KIR2DL3: variants seen among roughly 807,000 people sequenced by gnomAD.
KIR2DL3 encodes the protein killer cell immunoglobulin-like receptor 2DL3.
Under a neutral mutation model 33.8 loss-of-function variants are expected in KIR2DL3, and 39 were observed. The ratio of observed to expected loss-of-function variants is 1.15; its 90% CI spans 0.89 to 1.51. KIR2DL3 has a LOEUF of 1.51. Among genes scored for constraint, KIR2DL3 ranks in the 40% most tolerant of loss-of-function variants. The pLI, the probability that KIR2DL3 is intolerant of heterozygous loss-of-function variation, is 0.00. For missense variants in KIR2DL3, 462 were observed against 426.2 expected, an observed-to-expected ratio of 1.08 and a Z score of -0.74; for synonymous variants, 174 against 160.2, an observed-to-expected ratio of 1.09 and a Z score of -0.65.
chr19:54,750,420 C>T (rs111959548), intron 5 of KIR2DL3, among the ~76,000 whole-genome samples: 10,288 of 113,902 alleles, frequency 0.09, 292 homozygotes, highest in South Asian at 0.21. Flanking sequence ...ATGTGTCTCC[C>T]GAGATCACAA....
Position 54,742,162 on chromosome 19 carries a change from T to A in KIR2DL3, c.253T>A (p.Phe85Ile), listed in dbSNP as rs779850872. The A allele has an allele frequency of 6.2e-7, 1 of 1,613,992 alleles. No individual in the cohort carries two copies. Among genetic ancestry groups the A allele is most frequent in the Non-Finnish European group, 8.5e-7 (1 of 1,180,010 alleles). ...EHHDGVSKAN[F>I]SIGPMMQDLA... Reference sequence around the variant, plus strand: ...CCATGATGGGGTCTCCAAGGCCAACTTCTCCATCGGTCCCATGATGCAAGA... The same window carrying A: ...CCATGATGGGGTCTCCAAGGCCAACATCTCCATCGGTCCCATGATGCAAGA... Residue 85 changes from phenylalanine to isoleucine, a missense_variant, in exon 3 of 8, where the codon TTC becomes ATC. By Grantham distance (21) the Phe-to-Ile change is conservative. Transcript: ENST00000342376.
In KIR2DL3 at chr19:54,744,897, T is replaced by TAC. The variant is rs1190927916; in HGVS notation, c.664+823_664+824dup. ...ATATATATATATATATATATATATA[T>TAC]ACACACACACACACATATATAAACA... is the stretch of plus-strand genomic sequence containing the variant. On this transcript the variant is annotated intron_variant, in intron 4 of 7. Transcript: ENST00000342376. 6.5e-3 allele frequency among the ~76,000 whole-genome samples: 372 copies of TAC among 57,460 alleles called. 6 individuals are homozygous for TAC. Among genetic ancestry groups the TAC allele is most frequent in the African/African-American group, 9.2e-3 (140 of 15,216 alleles). 37.7% of individuals were successfully genotyped at this position (57,460 alleles called of 152,430 possible). A position where few individuals can be genotyped will look rare whatever the true frequency, so the allele number is the denominator to read the frequency against.
At position 54,750,660 on chromosome 19, in the gene KIR2DL3, C is replaced by T. The variant is rs144623749; in HGVS notation, c.716-989C>T. On this transcript the variant is annotated intron_variant, in intron 5 of 7. Transcript: ENST00000342376. The stretch of plus-strand genomic sequence containing the variant: ...ACTCTAAATACCTCCTGGACTGCAC[C>T]TGGGCTTATGCCAATTCCTATCACT... Among the ~76,000 whole-genome samples, 345 of 137,124 alleles carry T rather than the reference C, an allele frequency of 2.5e-3. 32 individuals carry two copies. The highest frequency in any genetic ancestry group is 9.0e-3 in the African/African-American group (327 of 36,492). The allele number at this position is 137,124 out of a possible 152,430, so 90.0% of individuals were successfully genotyped here.
At chr19:54,739,786 C>G (rs957284899) in intron 2 of KIR2DL3, among the ~76,000 whole-genome samples, 5 of 152,126 alleles carry the variant, frequency 3.3e-5, no homozygotes, top group Admixed American at 3.3e-4. Flanking sequence ...GTGGTAGGAA[C>G]AGCAGATCCT....
chr19:54,739,308 C>T (rs1489870161), intron 1 of KIR2DL3, among the ~76,000 whole-genome samples, 199 bp from the exon 2 acceptor site: 721 of 152,072 alleles, frequency 4.7e-3, no homozygotes, highest in African/African-American at 0.015. Context: ...GAGATATGGG[C>T]TTGGGGTGGG....
intron 4 of KIR2DL3, among the ~76,000 whole-genome samples, chr19:54,745,122 A>C (rs1288980426): frequency 1.3e-5 from 2 of 151,550 alleles, no homozygotes; most frequent in African/African-American, 4.9e-5. Context: ...TGCAAATATC[A>C]GGATGTTATT....
chr19:54,740,769 G>A (rs1211679399), intron 2 of KIR2DL3, among the ~76,000 whole-genome samples: 2 of 152,032 alleles, frequency 1.3e-5, no homozygotes, highest in East Asian at 1.9e-4. Flanking sequence ...TATGTTATAG[G>A]GGAAGGGACT....
intron 3 of KIR2DL3, among the ~76,000 whole-genome samples, chr19:54,743,034 A>C (rs1313042653): frequency 2.0e-5 from 3 of 151,864 alleles, no homozygotes; most frequent in Admixed American, 2.0e-4. Flanking sequence ...GAAAAGCACT[A>C]AAATTAGAGT....
intron 5 of KIR2DL3, among the ~76,000 whole-genome samples, chr19:54,750,728 C>T (rs1213032925): frequency 7.2e-6 from 1 of 139,232 alleles, no homozygotes; most frequent in African/African-American, 2.7e-5. Flanking sequence ...GAATACATTA[C>T]ACAGGCAGGT....
chr19:54,752,524 A>T lies in KIR2DL3; in HGVS notation c.*5A>T. 6.8e-7 allele frequency: 1 copy of T among 1,462,498 alleles called. No homozygotes were observed. The highest frequency in any genetic ancestry group is 9.3e-7 in the Non-Finnish European group (1 of 1,075,866). 90.6% of individuals were successfully genotyped at this position (1,462,498 alleles called of 1,614,324 possible). A position where few individuals can be genotyped will look rare whatever the true frequency, so the allele number is the denominator to read the frequency against. ...CTTCCAAATGCTGAGCCCTGATCCA[A>T]AGTTGTCTCCTGCCCATGAGCACCA... On this transcript the variant is annotated 3_prime_UTR_variant, in exon 8 of 8. Transcript: ENST00000342376.
chr19:54,747,618 T>C (rs945014857), intron 5 of KIR2DL3, among the ~76,000 whole-genome samples: 1 of 152,154 alleles, frequency 6.6e-6, no homozygotes, highest in Admixed American at 6.5e-5. Flanking sequence ...AGAAGAATGA[T>C]TGCCAATCTG....
At position 54,752,240 on chromosome 19, in the gene KIR2DL3, C is replaced by A. The variant is rs2073564038; in HGVS notation, c.845C>A (p.Pro282His). 2.0e-6 allele frequency: 3 copies of A among 1,475,596 alleles called. 1 individual carries two copies. The highest frequency in any genetic ancestry group is 1.5e-5 in the African/African-American group (1 of 65,630). 91.4% of individuals were successfully genotyped at this position (1,475,596 alleles called of 1,614,324 possible). Residue 282 changes from proline (P) to histidine (H), a missense_variant, in exon 7 of 8, where the codon CCT becomes CAT. By Grantham distance (77) the Pro-to-His change is moderately conservative. Transcript: ENST00000342376. ...KKNAVVMDQEPAGNRTVNRED... is the reference protein window; with the variant it reads ...KKNAVVMDQEHAGNRTVNRED... The stretch of plus-strand genomic sequence containing the variant: ...GATGCTGTTGTAATGGACCAAGAGC[C>A]TGCAGGGAACAGAACAGTGAACAGG...
chr19:54,751,640 T>A lies in KIR2DL3; in HGVS notation c.716-9T>A. 6.7e-7 allele frequency: 1 copy of A among 1,490,926 alleles called. No individual in the cohort carries two copies. The highest frequency in any genetic ancestry group is 9.1e-7 in the Non-Finnish European group (1 of 1,095,978). The allele number at this position is 1,490,926 out of a possible 1,614,324, so 92.4% of individuals were successfully genotyped here. A position where few individuals can be genotyped will look rare whatever the true frequency, so the allele number is the denominator to read the frequency against. On this transcript the variant is annotated splice_polypyrimidine_tract_variant and intron_variant, in intron 5 of 7. Coordinates refer to ENST00000342376, the MANE Select transcript of KIR2DL3 (RefSeq NM_015868.3). The stretch of plus-strand genomic sequence containing the variant: ...ATTAGCTTCTTATTGGTGTCTCCTC[T>A]TCTTCCAGGTAACCCCAGACACCTG...
chr19:54,742,789 C>G (rs2071423610), intron 3 of KIR2DL3, among the ~76,000 whole-genome samples: 2 of 151,216 alleles, frequency 1.3e-5, no homozygotes, highest in South Asian at 4.2e-4. Flanking sequence ...AGAACACCAA[C>G]CCCTGTATGC....
chr19:54,742,768 A>G (rs1162387151), intron 3 of KIR2DL3, among the ~76,000 whole-genome samples: 1 of 151,320 alleles, frequency 6.6e-6, no homozygotes, highest in East Asian at 1.9e-4. Flanking sequence ...GTCCCAGGAT[A>G]TCATGGCCCC....
Position 54,744,350 on chromosome 19 carries a change from G to T in KIR2DL3, c.664+262G>T, listed in dbSNP as rs200742799. 1.4e-4 allele frequency among the ~76,000 whole-genome samples: 22 copies of T among 152,196 alleles called. No individual in the cohort carries two copies. The East Asian group carries it at 2.3e-3, about 16-fold the overall frequency. ...GAGAGACCCAGAGGAGAGAGACTGG[G>T]CTCAGTTTGGGAAGATCAGAGGTTC... is the stretch of plus-strand genomic sequence containing the variant. On this transcript the variant is annotated intron_variant, in intron 4 of 7. Coordinates refer to ENST00000342376, the MANE Select transcript of KIR2DL3 (RefSeq NM_015868.3).
intron 5 of KIR2DL3, among the ~76,000 whole-genome samples, chr19:54,749,422 A>G (rs891761533): frequency 7.8e-6 from 1 of 128,406 alleles, no homozygotes; most frequent in Non-Finnish European, 1.8e-5. Flanking sequence ...AGATGGATAT[A>G]AGATATGTTT....
intron 2 of KIR2DL3, among the ~76,000 whole-genome samples, chr19:54,740,454 C>A (rs1318455683): frequency 7.3e-6 from 1 of 137,860 alleles, no homozygotes; most frequent in Non-Finnish European, 1.6e-5. Flanking sequence ...GCCCTGTGAC[C>A]CCCGCACACA....
rs1162631818 is a variant in KIR2DL3, at chr19:54,751,039, G to T, written c.716-610G>T. Among the ~76,000 whole-genome samples the T allele has an allele frequency of 2.3e-5, 3 of 132,490 alleles. 1 individual carries two copies. The highest frequency in any genetic ancestry group is 8.6e-5 in the African/African-American group (3 of 35,028). The allele number at this position is 132,490 out of a possible 152,430, so 86.9% of individuals were successfully genotyped here. ...TTAGTCCATTTTTGTTGCTCTAAAGGAACACTTGAGCCTGGGTAACTTCTA... is the reference window on the plus strand; with the variant it reads ...TTAGTCCATTTTTGTTGCTCTAAAGTAACACTTGAGCCTGGGTAACTTCTA... On this transcript the variant is annotated intron_variant, in intron 5 of 7. Transcript: ENST00000342376.
Sources: allele counts gnomAD v4.1 joint callset (sites outside exome capture counted in the v4.1 genomes callset), GRCh38; gene constraint gnomAD v4.1.1; transcripts MANE v1.5; gene names NCBI Gene and HGNC (gene_info 2026-07-23, HGNC 2026-07-21).